The following ACSBG2 variants were observed in gnomAD, a reference collection of about 807,000 sequenced individuals.
ACSBG2 encodes the protein acyl-CoA synthetase bubblegum family member 2.
ACSBG2 carries 62 observed loss-of-function variants against 74.7 expected under a neutral mutation model. That is an observed-to-expected ratio of 0.83 (90% confidence interval 0.68 to 1.03). The LOEUF is 1.03. Among genes scored for constraint, ACSBG2 ranks in the 50% least tolerant of loss-of-function variants. The pLI, the probability that ACSBG2 is intolerant of heterozygous loss-of-function variation, is 0.00. For synonymous variants in ACSBG2, 309 were observed against 294.1 expected, an observed-to-expected ratio of 1.05 and a Z score of -0.52; for missense variants, 730 against 817.6, an observed-to-expected ratio of 0.89 and a Z score of 1.31.
At chr19:6,145,083 C>T (rs1322060562) in intron 2 of ACSBG2, among the ~76,000 whole-genome samples, 1 of 152,066 alleles carries the variant, frequency 6.6e-6, no homozygotes, top group Non-Finnish European at 1.5e-5. Context: ...ATCTATGAGG[C>T]CCATGTCTAG....
At chr19:6,136,606 A>G (rs4447550) in intron 1 of ACSBG2, among the ~76,000 whole-genome samples, 3,890 of 152,222 alleles carry the variant, frequency 0.026, 160 homozygotes, top group African/African-American at 0.086. Context: ...CAAGCGATCC[A>G]CCCGACTCAG....
chr19:6,163,998 G>A (rs962228482), intron 6 of ACSBG2, among the ~76,000 whole-genome samples: 1 of 152,120 alleles, frequency 6.6e-6, no homozygotes, highest in Non-Finnish European at 1.5e-5. Flanking sequence ...CCAGAAATGA[G>A]CAAAAACGAA....
At chr19:6,173,241 C>T (rs568589347) in intron 7 of ACSBG2, among the ~76,000 whole-genome samples, 5 of 152,068 alleles carry the variant, frequency 3.3e-5, no homozygotes, top group African/African-American at 9.7e-5. Flanking sequence ...AGTCACAGCG[C>T]GTTGTGGGGT....
At chr19:6,138,848 A>G (rs993723648) in intron 1 of ACSBG2, among the ~76,000 whole-genome samples, 2 of 152,114 alleles carry the variant, frequency 1.3e-5, no homozygotes, top group Non-Finnish European at 2.9e-5. Flanking sequence ...GAAGCAAGTC[A>G]AAGGTGAATT....
At chr19:6,176,246 T>TG (rs1705641100) in intron 7 of ACSBG2, 1 of 1,320,014 alleles carries the variant, frequency 7.6e-7, no homozygotes, top group Non-Finnish European at 9.8e-7. Context: ...GAGGCTGAAG[T>TG]GGGGGCCCCA....
chr19:6,172,374 G>A (rs191467256), intron 7 of ACSBG2, among the ~76,000 whole-genome samples: 1 of 152,210 alleles, frequency 6.6e-6, no homozygotes, highest in East Asian at 1.9e-4. Context: ...TTTAATTCTA[G>A]TTTCCCTTGA....
intron 8 of ACSBG2, among the ~76,000 whole-genome samples, chr19:6,181,822 C>CG (rs1306790240): frequency 7.9e-6 from 1 of 125,788 alleles, no homozygotes; most frequent in East Asian, 2.7e-4. Flanking sequence ...CGCCCCCCCC[C>CG]CCAACGAAAT....
chr19:6,170,254 C>G (rs1236920586), intron 7 of ACSBG2, among the ~76,000 whole-genome samples: 4 of 152,168 alleles, frequency 2.6e-5, no homozygotes. Flanking sequence ...GGGGTATATT[C>G]CTTGATGCCT....
At chr19:6,189,214 T>C (rs2090489549) in intron 13 of ACSBG2, among the ~76,000 whole-genome samples, 1 of 152,302 alleles carries the variant, frequency 6.6e-6, no homozygotes, top group Middle Eastern at 3.4e-3. Context: ...TGGCTTGCCA[T>C]CGTCCTTAAT....
chr19:6,141,760 G>C (rs1486901800), intron 2 of ACSBG2, 150 bp downstream of exon 2: 1 of 616,552 alleles, frequency 1.6e-6, no homozygotes, highest in Non-Finnish European at 2.9e-6. Context: ...TTGAGACAGG[G>C]TCTTGCTCTG....
chr19:6,166,597 G>A (rs1466048359), intron 7 of ACSBG2, among the ~76,000 whole-genome samples: 1 of 151,918 alleles, frequency 6.6e-6, no homozygotes, highest in Non-Finnish European at 1.5e-5. Flanking sequence ...ACAGGCATGA[G>A]CCACCACGCC....
chr19:6,173,702 ATCT>A (rs1490394094), intron 7 of ACSBG2, among the ~76,000 whole-genome samples: 2 of 152,084 alleles, frequency 1.3e-5, no homozygotes, highest in Non-Finnish European at 2.9e-5. Context: ...AGTAATTTTG[ATCT>A]TCTTCCTGAA....
intron 8 of ACSBG2, among the ~76,000 whole-genome samples, chr19:6,181,242 G>GAAAA: frequency 8.6e-6 from 1 of 115,854 alleles, no homozygotes; most frequent in South Asian, 3.3e-4. Flanking sequence ...AAAAAAAAAG[G>GAAAA]AAAGGAAAGG....
chr19:6,183,496 T>G (rs2090320474), intron 10 of ACSBG2, among the ~76,000 whole-genome samples: 1 of 152,166 alleles, frequency 6.6e-6, no homozygotes, highest in South Asian at 2.1e-4. Flanking sequence ...CATTCCATGG[T>G]CTCCCCGTTT....
intron 10 of ACSBG2, among the ~76,000 whole-genome samples, chr19:6,184,802 A>AT (rs1192830683): frequency 8.5e-6 from 1 of 117,916 alleles, no homozygotes; most frequent in Non-Finnish European, 1.6e-5. Flanking sequence ...AGCCAAAGGC[A>AT]TTTTTTTCTT....
Position 6,180,131 on chromosome 19 carries a change from C to T in ACSBG2, c.907-2620C>T, listed in dbSNP as rs1166719181. On this transcript the variant is annotated intron_variant, in intron 8 of 14. Transcript: ENST00000588485. The surrounding 1 kb of genome is among the most constrained non-coding windows in gnomAD (Gnocchi z 4.3). ...CTCCTGCTTCCCTCTTATAAGGACC[C>T]TGTGATGACATTGGGCCACCCAGAT... Among the ~76,000 whole-genome samples, 1 of 152,082 alleles carries T rather than the reference C, an allele frequency of 6.6e-6. No individual in the cohort carries two copies. Among genetic ancestry groups the T allele is most frequent in the African/African-American group, 2.4e-5 (1 of 41,392 alleles).
chr19:6,140,931 T>A (rs1289444278), intron 1 of ACSBG2, among the ~76,000 whole-genome samples: 1 of 152,214 alleles, frequency 6.6e-6, no homozygotes, highest in African/African-American at 2.4e-5. Flanking sequence ...TCTATTCATG[T>A]CCTTTGCCCG....
At chr19:6,152,687 A>G (rs1403857431) in intron 4 of ACSBG2, among the ~76,000 whole-genome samples, 1 of 152,162 alleles carries the variant, frequency 6.6e-6, no homozygotes, top group Non-Finnish European at 1.5e-5. Flanking sequence ...TTTTACTTAA[A>G]GAAACAAAAC....
chr19:6,166,280 T>TTTTGTGTGTG (rs1555694318), intron 7 of ACSBG2, among the ~76,000 whole-genome samples: 60 of 119,144 alleles, frequency 5.0e-4, no homozygotes, highest in Middle Eastern at 4.0e-3. Flanking sequence ...GTCAGGAAGG[T>TTTTGTGTGTG]TGTGTGTGTG....
Sources: gnomAD v4.1 joint callset for allele counts (sites outside exome capture counted in the v4.1 genomes callset) on GRCh38, gnomAD v4.1.1 for gene constraint, Gnocchi (gnomAD v3.1) non-coding constraint, MANE v1.5 for transcripts, NCBI Gene and HGNC (gene_info 2026-07-23, HGNC 2026-07-21) for gene names.